The following SLC9A9 variants were observed in gnomAD, a reference collection of about 807,000 sequenced individuals.
SLC9A9 encodes the protein solute carrier family 9 member A9.
In SLC9A9, 62 loss-of-function variants were observed where a neutral mutation model predicts 77.8. The observed-to-expected ratio is 0.80, with a 90% confidence interval of 0.65 to 0.98. The LOEUF (loss-of-function observed/expected upper bound fraction) is 0.98, where lower values mean the gene tolerates loss of function less well. Ranked by LOEUF, SLC9A9 falls within the 50% of genes least tolerant of loss-of-function variation. The pLI is 0.00. For synonymous variants in SLC9A9, 320 were observed against 283.5 expected (o/e 1.13, Z -1.29); for missense variants, 775 against 774.9 (o/e 1.00, Z 0.00).
In SLC9A9 at chr3:143,266,587, A is replaced by G. The variant is rs1937726707; in HGVS notation, c.*115T>C. 3 of 1,040,344 alleles carry G rather than the reference A, an allele frequency of 2.9e-6. No individual in the cohort carries two copies. Among genetic ancestry groups the G allele is most frequent in the Non-Finnish European group, 4.4e-6 (3 of 682,098 alleles). 64.4% of individuals were successfully genotyped at this position (1,040,344 alleles called of 1,614,324 possible). A position where few individuals can be genotyped will look rare whatever the true frequency, so the allele number is the denominator to read the frequency against. On this transcript the variant is annotated 3_prime_UTR_variant, in exon 16 of 16. Transcript: ENST00000316549. ...TGTGACAAGGCTTTGATTCTCTCCAATTTATGCTCTTAATATGTTTTCCAG... is the reference window on the plus strand; with the variant it reads ...TGTGACAAGGCTTTGATTCTCTCCAGTTTATGCTCTTAATATGTTTTCCAG...
chr3:143,669,246 T>A (rs1487511549), intron 5 of SLC9A9, among the ~76,000 whole-genome samples: 1 of 152,222 alleles, frequency 6.6e-6, no homozygotes, highest in Non-Finnish European at 1.5e-5. Context: ...TTTGTCTCAA[T>A]GTACAATGTC....
At chr3:143,409,875 CTGCAGGAA>C (rs1262480627) in intron 12 of SLC9A9, among the ~76,000 whole-genome samples, 2 of 152,242 alleles carry the variant, frequency 1.3e-5, no homozygotes, top group East Asian at 3.9e-4. Context: ...GGGTTCTGGG[CTGCAGGAA>C]CAGCAGGAGA....
intron 14 of SLC9A9, among the ~76,000 whole-genome samples, chr3:143,359,118 G>A (rs2032670788): frequency 1.3e-5 from 2 of 152,176 alleles, no homozygotes; most frequent in Non-Finnish European, 2.9e-5. Context: ...GCAGCCTTCT[G>A]ATAATTAATT....
intron 2 of SLC9A9, among the ~76,000 whole-genome samples, chr3:143,797,155 ATC>A (rs1419506587): frequency 1.4e-5 from 1 of 73,736 alleles, no homozygotes; most frequent in African/African-American, 6.6e-5. Context: ...ACTCAGTGAA[ATC>A]TCTCTGAGAA....
chr3:143,526,047 A>G (rs1460224166), intron 9 of SLC9A9, among the ~76,000 whole-genome samples: 1 of 152,230 alleles, frequency 6.6e-6, no homozygotes, highest in East Asian at 1.9e-4. Flanking sequence ...ACATCTATGA[A>G]TATACTATGC....
chr3:143,560,427 AC>A (rs2037062047), intron 8 of SLC9A9, among the ~76,000 whole-genome samples: 1 of 152,140 alleles, frequency 6.6e-6, no homozygotes, highest in South Asian at 2.1e-4. Context: ...AATTTTTGTT[AC>A]CCTTTTTTTT....
intron 5 of SLC9A9, among the ~76,000 whole-genome samples, chr3:143,662,633 G>A (rs953416181): frequency 6.6e-6 from 1 of 151,964 alleles, no homozygotes; most frequent in African/African-American, 2.4e-5. Flanking sequence ...CTTAGCAAAC[G>A]GTACTCCAGG....
chr3:143,338,960 A>G (rs191435156), intron 14 of SLC9A9, among the ~76,000 whole-genome samples: 2 of 152,262 alleles, frequency 1.3e-5, no homozygotes, highest in East Asian at 3.9e-4. Flanking sequence ...TGAACTGAAA[A>G]ATTCTTAACT....
At chr3:143,395,851 C>T (rs1230271557) in intron 12 of SLC9A9, among the ~76,000 whole-genome samples, 3 of 152,278 alleles carry the variant, frequency 2.0e-5, no homozygotes, top group African/African-American at 4.8e-5. Context: ...TGAAAAAATG[C>T]TCATCATCAC....
At chr3:143,749,823 T>A (rs1466737406) in intron 4 of SLC9A9, among the ~76,000 whole-genome samples, 1 of 152,216 alleles carries the variant, frequency 6.6e-6, no homozygotes, top group Non-Finnish European at 1.5e-5. Context: ...TTGTACACAC[T>A]GAAGTTTGAG....
At chr3:143,617,119 G>T (rs1282267969) in intron 6 of SLC9A9, among the ~76,000 whole-genome samples, 1 of 152,174 alleles carries the variant, frequency 6.6e-6, no homozygotes, top group Non-Finnish European at 1.5e-5. Context: ...TGAGCCAGGT[G>T]AATAAAGGAG....
At chr3:143,782,375 G>A (rs958015069) in intron 4 of SLC9A9, among the ~76,000 whole-genome samples, 4 of 152,180 alleles carry the variant, frequency 2.6e-5, no homozygotes, top group Admixed American at 1.3e-4. Context: ...GAGCTCTGGG[G>A]TGAGGCTTGA....
chr3:143,576,560 TACTC>T (rs1330457745), intron 7 of SLC9A9, among the ~76,000 whole-genome samples: 2 of 152,126 alleles, frequency 1.3e-5, no homozygotes, highest in East Asian at 3.9e-4. Flanking sequence ...TTGTTGCTGT[TACTC>T]ACTCTAAACA....
At chr3:143,382,241 C>A (rs562664951) in intron 12 of SLC9A9, 127 bp from the exon 13 acceptor site, 2 of 975,372 alleles carry the variant, frequency 2.1e-6, no homozygotes, top group Non-Finnish European at 3.3e-6. Context: ...AACTATCCTA[C>A]GTCTTCTTGA....
chr3:143,813,675 A>C (rs929469848), intron 2 of SLC9A9, among the ~76,000 whole-genome samples: 3 of 152,018 alleles, frequency 2.0e-5, no homozygotes, highest in Non-Finnish European at 4.4e-5. Context: ...AAGCCCCATT[A>C]TTTTGCATAG....
intron 14 of SLC9A9, among the ~76,000 whole-genome samples, chr3:143,360,942 G>A (rs1559882669): frequency 6.6e-6 from 1 of 152,128 alleles, no homozygotes; most frequent in Non-Finnish European, 1.5e-5. Context: ...TCCTCAATAC[G>A]GTGTGTGGGC....
At chr3:143,384,073 C>G (rs373761512) in intron 12 of SLC9A9, among the ~76,000 whole-genome samples, 2 of 151,942 alleles carry the variant, frequency 1.3e-5, no homozygotes, top group Admixed American at 6.6e-5. Context: ...AGGGGAGGAA[C>G]CTTTGATTCT....
intron 6 of SLC9A9, among the ~76,000 whole-genome samples, chr3:143,605,173 G>A (rs995120374): frequency 6.6e-6 from 1 of 152,124 alleles, no homozygotes; most frequent in African/African-American, 2.4e-5. Context: ...CAAAAGAGCA[G>A]GGCCAACATC....
intron 12 of SLC9A9, among the ~76,000 whole-genome samples, chr3:143,383,249 T>C (rs2033345470): frequency 6.6e-6 from 1 of 152,214 alleles, no homozygotes; most frequent in Non-Finnish European, 1.5e-5. Context: ...CCAGGCACCA[T>C]AGGACACGTT....
Sources: gnomAD v4.1 joint callset for allele counts (sites outside exome capture counted in the v4.1 genomes callset) on GRCh38, gnomAD v4.1.1 for gene constraint, MANE v1.5 for transcripts, NCBI Gene and HGNC (gene_info 2026-07-23, HGNC 2026-07-21) for gene names.